VWDE: variants seen among roughly 807,000 people sequenced by gnomAD.
The protein encoded by VWDE is von Willebrand factor D and EGF domain-containing protein.
In VWDE, 207 loss-of-function variants were observed where a neutral mutation model predicts 178.4. The ratio of observed to expected loss-of-function variants is 1.16; its 90% CI spans 1.04 to 1.30. The LOEUF (loss-of-function observed/expected upper bound fraction) is 1.30. Among genes scored for constraint, VWDE ranks in the 50% most tolerant of loss-of-function variants. The probability of loss-of-function intolerance (pLI) is 0.00; values close to 1 mark genes in which losing one functional copy is unlikely to be tolerated. For synonymous variants in VWDE, 738 were observed against 651.4 expected (o/e 1.13, Z -2.02); for missense variants, 2,287 against 1,901.3 (o/e 1.20, Z -3.77).
intron 18 of VWDE, among the ~76,000 whole-genome samples, chr7:12,353,057 C>CA (rs935201085): frequency 6.6e-6 from 1 of 152,080 alleles, no homozygotes; most frequent in East Asian, 1.9e-4. Flanking sequence ...AATTCCCCTC[C>CA]AAAAAAACTT....
At chr7:12,374,852 A>G in intron 8 of VWDE, 90 bp from the exon 9 acceptor site, 3 of 1,141,826 alleles carry the variant, frequency 2.6e-6, no homozygotes, top group Non-Finnish European at 1.2e-6. Flanking sequence ...ACAAACTTTC[A>G]ATTAATTATT....
Position 12,373,182 on chromosome 7 carries a change from A to T in VWDE, c.1382T>A (p.Val461Asp). The change falls in exon 10 of 29, where the codon GTC becomes GAC. Residue 461 changes from valine (V) to aspartate (D), a missense_variant. Physicochemically the swap from Val to Asp is radical, Grantham distance 152. Coordinates refer to ENST00000275358, the MANE Select transcript of VWDE (RefSeq NM_001135924.3). ...TCTGCAGTCCCACTGACGTACATGG[A>T]CTTCAAAATCACGTGACATACTCTT... ...LYKSMSRDFE[V>D]HVRQWDCRSL... 10 of 1,551,424 alleles carry T rather than the reference A, an allele frequency of 6.4e-6. No homozygotes were observed. The highest frequency in any genetic ancestry group is 8.7e-6 in the Non-Finnish European group (10 of 1,146,790).
At chr7:12,347,551 AAAT>A (rs1393935500) in intron 19 of VWDE, among the ~76,000 whole-genome samples, 2 of 152,152 alleles carry the variant, frequency 1.3e-5, no homozygotes, top group Non-Finnish European at 2.9e-5. Context: ...GACTATTAGA[AAAT>A]AATAACATAA....
chr7:12,344,962 C>A (rs1781523505), intron 19 of VWDE, among the ~76,000 whole-genome samples: 1 of 151,858 alleles, frequency 6.6e-6, no homozygotes, highest in South Asian at 2.1e-4. Flanking sequence ...ATATTGACAT[C>A]TTTTATCTGT....
intron 2 of VWDE, among the ~76,000 whole-genome samples, chr7:12,392,768 C>T (rs1403171273): frequency 1.4e-5 from 2 of 146,090 alleles, no homozygotes; most frequent in Non-Finnish European, 3.0e-5. Flanking sequence ...ACAATCATAT[C>T]GTGTTGTAAA....
At chr7:12,403,009 G>A (rs1194492518) in intron 1 of VWDE, among the ~76,000 whole-genome samples, 2 of 152,014 alleles carry the variant, frequency 1.3e-5, no homozygotes, top group African/African-American at 2.4e-5. Context: ...AGCAAAAAGG[G>A]CTAATGAAAG....
Position 12,380,477 on chromosome 7 carries a change from T to A in VWDE, c.789+9A>T. 1 of 1,545,040 alleles carries A rather than the reference T, an allele frequency of 6.5e-7. No homozygotes were observed. Among genetic ancestry groups the A allele is most frequent in the Non-Finnish European group, 8.7e-7 (1 of 1,144,374 alleles). ...CATGAAAATAAAATGCAACTGTTTTTTAACATACCCTGTCTCCAAGTCTGA... is the reference window on the plus strand; with the variant it reads ...CATGAAAATAAAATGCAACTGTTTTATAACATACCCTGTCTCCAAGTCTGA... On this transcript the variant is annotated intron_variant, in intron 5 of 28. Coordinates refer to ENST00000275358, the MANE Select transcript of VWDE (RefSeq NM_001135924.3).
intron 17 of VWDE, 22 bp downstream of exon 17, chr7:12,357,243 C>T (rs1782297889): frequency 2.6e-6 from 4 of 1,546,572 alleles, no homozygotes; most frequent in African/African-American, 2.7e-5. Flanking sequence ...TCCAGTGGCA[C>T]TTATGTAATT....
chr7:12,352,338 CTG>C (rs777279864), intron 18 of VWDE, among the ~76,000 whole-genome samples: 2 of 152,158 alleles, frequency 1.3e-5, no homozygotes, highest in Non-Finnish European at 1.5e-5. Flanking sequence ...TCAAGAATAA[CTG>C]TGCTTTATTC....
chr7:12,387,854 C>G (rs903855174), intron 3 of VWDE, among the ~76,000 whole-genome samples: 1 of 151,818 alleles, frequency 6.6e-6, no homozygotes, highest in Non-Finnish European at 1.5e-5. Flanking sequence ...TGGTTGAACC[C>G]AGGTAACTAA....
intron 10 of VWDE, among the ~76,000 whole-genome samples, chr7:12,372,105 G>C (rs7791256): frequency 9.9e-4 from 151 of 152,102 alleles, no homozygotes; most frequent in African/African-American, 3.5e-3. Context: ...GACTGCTAAC[G>C]AGGTTAAAGT....
rs1046833497 is a variant in VWDE at position 12,331,195 on chromosome 7, T to C, written c.4761A>G (p.Ile1587Met). Residue 1587 changes from isoleucine (I) to methionine (M), a missense_variant and splice_region_variant, in exon 29 of 29, where the codon ATA becomes ATG. Ile to Met is a conservative substitution (Grantham distance 10). Transcript: ENST00000275358. ...TACTTGATGCTACTCAATGGCGTCT[T>C]ATCTGTAGTAGGAAGAAGGAAATTG... The part of the protein sequence containing the change: ...SGVKCEKKIQ[I>M]RRH 101 of 1,540,930 alleles carry C rather than the reference T, an allele frequency of 6.6e-5. No individual in the cohort carries two copies. The highest frequency in any genetic ancestry group is 8.2e-5 in the Non-Finnish European group (93 of 1,139,222).
At chr7:12,336,351 A>G (rs1184373797) in intron 26 of VWDE, 115 bp from the exon 27 acceptor site, 2 of 828,822 alleles carry the variant, frequency 2.4e-6, no homozygotes, top group African/African-American at 1.8e-5. Flanking sequence ...GTAAGTGATT[A>G]AAGAAATTTT....
intron 19 of VWDE, 129 bp from the exon 20 acceptor site, chr7:12,344,598 T>C (rs1335303739): frequency 5.8e-6 from 4 of 689,036 alleles, no homozygotes; most frequent in Non-Finnish European, 9.5e-6. Flanking sequence ...CTCTAGATAA[T>C]ACTGAGAACG....
At chr7:12,344,829 G>T (rs749971490) in intron 19 of VWDE, among the ~76,000 whole-genome samples, 1 of 152,192 alleles carries the variant, frequency 6.6e-6, no homozygotes, top group Non-Finnish European at 1.5e-5. Context: ...TCTCGAAAGA[G>T]TTGGAAAGAT....
At chr7:12,369,364 T>C (rs1783026308) in intron 12 of VWDE, among the ~76,000 whole-genome samples, 181 bp downstream of exon 12, 1 of 152,166 alleles carries the variant, frequency 6.6e-6, no homozygotes, top group African/African-American at 2.4e-5. Context: ...CTTTGGCTTT[T>C]ACTCCAAATA....
chr7:12,366,748 A>G (rs1338113931), intron 13 of VWDE, among the ~76,000 whole-genome samples: 1 of 152,132 alleles, frequency 6.6e-6, no homozygotes, highest in Non-Finnish European at 1.5e-5. Context: ...ACCTACATAT[A>G]CTTTTGAAAT....
intron 27 of VWDE, 88 bp from the exon 28 acceptor site, chr7:12,333,656 G>T: frequency 2.4e-6 from 2 of 817,214 alleles, no homozygotes; most frequent in Non-Finnish European, 4.1e-6. Context: ...GCTATCTGGT[G>T]ATTGGACACC....
At chr7:12,392,127 G>C (rs1191253899) in intron 2 of VWDE, among the ~76,000 whole-genome samples, 1 of 152,176 alleles carries the variant, frequency 6.6e-6, no homozygotes, top group Admixed American at 6.5e-5. Context: ...TAAGGGAGAA[G>C]ATCAGGTACA....
Sources: allele counts gnomAD v4.1 joint callset (sites outside exome capture counted in the v4.1 genomes callset), GRCh38; gene constraint gnomAD v4.1.1; transcripts MANE v1.5; gene names NCBI Gene and HGNC (gene_info 2026-07-23, HGNC 2026-07-21).